DMD: variants seen among roughly 807,000 people sequenced by gnomAD.
DMD encodes the protein dystrophin.
DMD carries 63 observed loss-of-function variants against 330.1 expected under a neutral mutation model. That is an observed-to-expected ratio of 0.19 (90% CI 0.16 to 0.24). DMD has a LOEUF of 0.24. DMD is among the 10% of genes least tolerant of loss of function. The pLI is 1.00. For synonymous variants in DMD, 1,223 were observed against 959.8 expected, an observed-to-expected ratio of 1.27 and a Z score of -5.07; for missense variants, 3,344 against 2,684.1, an observed-to-expected ratio of 1.25 and a Z score of -5.43.
At chrX:32,943,703 T>C (rs1374666693) in intron 2 of DMD, among the ~76,000 whole-genome samples, 2 of 112,017 alleles carry the variant, frequency 1.8e-5, no homozygotes, top group Non-Finnish European at 3.8e-5. Context: ...CTTAGTCAAG[T>C]GTAAGCACGC....
chrX:32,634,797 G>A (rs1475281544), intron 11 of DMD, among the ~76,000 whole-genome samples: 1 of 111,780 alleles, frequency 8.9e-6, no homozygotes, highest in Non-Finnish European at 1.9e-5. Context: ...GAGCTGTGCT[G>A]CCTGGGGTTG....
intron 1 of DMD, among the ~76,000 whole-genome samples, chrX:33,042,111 C>T (rs1481306223): frequency 4.5e-5 from 5 of 110,921 alleles, no homozygotes; most frequent in Non-Finnish European, 9.4e-5. Flanking sequence ...ATCTACTGCT[C>T]CAAATGATCA....
chrX:32,413,089 T>C (rs531163649), intron 29 of DMD, among the ~76,000 whole-genome samples: 1 of 110,893 alleles, frequency 9.0e-6, no homozygotes, highest in East Asian at 2.9e-4. Flanking sequence ...GATTTTATCC[T>C]GGGCTTTCCT....
intron 9 of DMD, among the ~76,000 whole-genome samples, chrX:32,661,961 C>T (rs2060977446): frequency 9.0e-6 from 1 of 111,124 alleles, no homozygotes; most frequent in African/African-American, 3.3e-5. Flanking sequence ...TAAAACACAC[C>T]CATTGGTACA....
At chrX:31,912,023 A>G (rs2094554119) in intron 47 of DMD, among the ~76,000 whole-genome samples, 1 of 111,502 alleles carries the variant, frequency 9.0e-6, no homozygotes, top group African/African-American at 3.3e-5. Flanking sequence ...TGTAACGTGC[A>G]ACAAAAAGTG....
intron 30 of DMD, among the ~76,000 whole-genome samples, chrX:32,405,507 T>C (rs888505684): frequency 1.1e-4 from 12 of 111,919 alleles, no homozygotes. Context: ...CCCCATTTGC[T>C]TTATTCTGTT....
chrX:32,570,656 T>G (rs773181667), intron 15 of DMD, among the ~76,000 whole-genome samples: 7 of 111,822 alleles, frequency 6.3e-5, no homozygotes, highest in African/African-American at 2.3e-4. Context: ...TAGTGTTCAT[T>G]TTAAGTCTGA....
intron 62 of DMD, among the ~76,000 whole-genome samples, chrX:31,308,798 C>T (rs751841322): frequency 7.0e-4 from 78 of 110,742 alleles, no homozygotes; most frequent in Non-Finnish European, 1.2e-3. Context: ...GGTGCGATCT[C>T]GGCTCACTGC....
intron 44 of DMD, among the ~76,000 whole-genome samples, chrX:32,027,555 C>A (rs1437134444): frequency 9.0e-6 from 1 of 111,491 alleles, no homozygotes; most frequent in Non-Finnish European, 1.9e-5. Context: ...CCATAGGAAC[C>A]CTGAACTACA....
intron 77 of DMD, among the ~76,000 whole-genome samples, chrX:31,127,561 G>A (rs754041415): frequency 3.0e-4 from 33 of 111,624 alleles, no homozygotes; most frequent in African/African-American, 1.1e-3. Flanking sequence ...CTATAGCAAT[G>A]GGACATCTCC....
intron 52 of DMD, among the ~76,000 whole-genome samples, chrX:31,709,742 G>A (rs772204188): frequency 4.5e-5 from 5 of 110,677 alleles, no homozygotes; most frequent in African/African-American, 1.6e-4. Flanking sequence ...TATTTCTTAA[G>A]AGTTCTAAAT....
chrX:32,534,701 G>C (rs2047792569), intron 17 of DMD, among the ~76,000 whole-genome samples: 1 of 111,302 alleles, frequency 9.0e-6, no homozygotes, highest in Non-Finnish European at 1.9e-5. Context: ...CAAGCTCTTT[G>C]TTGTGTCTTC....
chrX:32,330,884 G>A (rs760063947), intron 41 of DMD, among the ~76,000 whole-genome samples: 5 of 111,184 alleles, frequency 4.5e-5, no homozygotes, highest in Non-Finnish European at 9.4e-5. Flanking sequence ...TTATTGGGAG[G>A]TTCCCATTAA....
Position 31,284,843 on chromosome X carries a change from CA to C in DMD, c.9225-23828del, listed in dbSNP as rs1304957850. Among the ~76,000 whole-genome samples, 716 of 107,554 alleles carry C rather than the reference CA, an allele frequency of 6.7e-3. 12 individuals carry two copies. Among genetic ancestry groups the C allele is most frequent in the African/African-American group, 0.023 (680 of 29,063 alleles). The allele number at this position is 107,554 out of a possible 115,157, so 93.4% of individuals were successfully genotyped here. ...TGGCTTAAACACACACACACACACA[CA>C]CACACACACACACACACACCCACAC... On this transcript the variant is annotated intron_variant, in intron 62 of 78. Coordinates refer to ENST00000357033, the MANE Select transcript of DMD (RefSeq NM_004006.3).
intron 44 of DMD, among the ~76,000 whole-genome samples, chrX:32,065,419 TC>T (rs1192812377): frequency 2.7e-5 from 3 of 111,845 alleles, no homozygotes; most frequent in Non-Finnish European, 5.7e-5. Context: ...CTAGTTCAAG[TC>T]TACAAAACAA....
chrX:32,656,439 A>AT (rs1320106782), intron 9 of DMD, among the ~76,000 whole-genome samples: 4 of 111,996 alleles, frequency 3.6e-5, no homozygotes, highest in Non-Finnish European at 7.5e-5. Context: ...AAACAAACTC[A>AT]TTTTTTAGTT....
intron 44 of DMD, among the ~76,000 whole-genome samples, chrX:32,029,478 A>T (rs2095869315): frequency 9.0e-6 from 1 of 111,100 alleles, no homozygotes; most frequent in Non-Finnish European, 1.9e-5. Context: ...ATGAGGTAGA[A>T]ATATTGAAAT....
chrX:32,618,589 TC>T (rs2057761418), intron 11 of DMD, among the ~76,000 whole-genome samples: 1 of 110,713 alleles, frequency 9.0e-6, no homozygotes. Context: ...GATGAAATAA[TC>T]TGTACAATAA....
At chrX:32,617,602 T>C (rs5972623) in intron 11 of DMD, among the ~76,000 whole-genome samples, 18,746 of 110,603 alleles carry the variant, frequency 0.17, 2,607 homozygotes, top group African/African-American at 0.47. Context: ...CTCAAAACTC[T>C]CAATCTATTA....
Sources: allele counts gnomAD v4.1 joint callset (sites outside exome capture counted in the v4.1 genomes callset), GRCh38; gene constraint gnomAD v4.1.1; transcripts MANE v1.5; gene names NCBI Gene and HGNC (gene_info 2026-07-23, HGNC 2026-07-21).